Variants in STXBP5 observed in about 807,000 individuals in gnomAD.
STXBP5 encodes the protein syntaxin binding protein 5, also known as syntaxin-binding protein 5.
Under a neutral mutation model 152.4 loss-of-function variants are expected in STXBP5, and 50 were observed. The ratio of observed to expected loss-of-function variants is 0.33; its 90% CI spans 0.26 to 0.42. The LOEUF is 0.42. STXBP5 is among the 10% of genes least tolerant of loss of function. The pLI is 1.00. For synonymous variants in STXBP5, 492 were observed against 494.7 expected (o/e 0.99, Z 0.07); for missense variants, 1,167 against 1,388.6 (o/e 0.84, Z 2.54).
At chr6:147,337,721 A>G (rs1331517529) in intron 19 of STXBP5, among the ~76,000 whole-genome samples, 7 of 152,002 alleles carry the variant, frequency 4.6e-5, no homozygotes, top group Admixed American at 2.6e-4. Flanking sequence ...ATTATTTAGA[A>G]TTAAATTCAG....
intron 25 of STXBP5, among the ~76,000 whole-genome samples, chr6:147,372,955 GT>G (rs1785630419): frequency 6.6e-6 from 1 of 152,148 alleles, no homozygotes; most frequent in Non-Finnish European, 1.5e-5. Flanking sequence ...TTCCTAGCAT[GT>G]GTTTATGAGA....
chr6:147,212,701 C>T lies in STXBP5; in HGVS notation c.248+6633C>T, dbSNP rs966325243. ...CTCCATACCATTGCGGCTCCCTCAG[C>T]TTTGTGTCCATTGACTACATTCATA... On this transcript the variant is annotated intron_variant, in intron 2 of 27. Coordinates refer to ENST00000321680, the MANE Select transcript of STXBP5 (RefSeq NM_001127715.4). Among the ~76,000 whole-genome samples, 8 of 152,278 alleles carry T rather than the reference C, an allele frequency of 5.3e-5. No individual in the cohort carries two copies. In the East Asian group the frequency reaches 9.7e-4, roughly 18 times the overall value.
intron 23 of STXBP5, among the ~76,000 whole-genome samples, chr6:147,360,183 T>A (rs1429877993): frequency 2.6e-5 from 4 of 152,188 alleles, no homozygotes; most frequent in African/African-American, 9.6e-5. Flanking sequence ...ATAGGAACAC[T>A]TTTACACTGT....
chr6:147,210,378 T>C lies in STXBP5; in HGVS notation c.248+4310T>C, dbSNP rs143176927. Among the ~76,000 whole-genome samples the C allele has an allele frequency of 7.9e-4, 121 of 152,314 alleles. 2 individuals are homozygous for C. The East Asian group carries it at 0.022, about 28-fold the overall frequency. The stretch of plus-strand genomic sequence containing the variant: ...ATTTTAGTGTGAGAATTTGATATAC[T>C]TTCACTGTTTTGTTTTGGTTTTTTT... On this transcript the variant is annotated intron_variant, in intron 2 of 27. Transcript: ENST00000321680.
intron 25 of STXBP5, among the ~76,000 whole-genome samples, chr6:147,373,290 C>T (rs1331765347): frequency 6.7e-6 from 1 of 148,300 alleles, no homozygotes; most frequent in African/African-American, 2.5e-5. Context: ...ACTTGAACCC[C>T]AGAGGCAGAA....
chr6:147,384,747 C>T lies in STXBP5; in HGVS notation c.3448C>T (p.Gln1150Ter). The T allele has an allele frequency of 6.2e-7, 1 of 1,611,158 alleles. No individual in the cohort carries two copies. Among genetic ancestry groups the T allele is most frequent in the Non-Finnish European group, 8.5e-7 (1 of 1,178,782 alleles). Reference protein sequence around the residue: ...MLKYKDKKWYQF With the variant: ...MLKYKDKKWY ...GAAATACAAAGATAAGAAGTGGTAC[C>T]AGTTCTGACAACCAGAATCCAATAA... The change falls in exon 28 of 28, where the codon CAG becomes TAG. Residue 1150 changes from glutamine to a stop codon, truncating the protein, a stop_gained. Coordinates refer to ENST00000321680, the MANE Select transcript of STXBP5 (RefSeq NM_001127715.4). LOFTEE classifies it high-confidence loss of function.
chr6:147,374,006 C>T (rs1217371353), intron 26 of STXBP5, among the ~76,000 whole-genome samples, 164 bp downstream of exon 26: 2 of 151,962 alleles, frequency 1.3e-5, no homozygotes, highest in Non-Finnish European at 2.9e-5. Flanking sequence ...TTATTCTATC[C>T]CAAATCAGGG....
chr6:147,291,240 A>G, intron 9 of STXBP5, 68 bp downstream of exon 9: 7 of 1,333,906 alleles, frequency 5.2e-6, no homozygotes, highest in South Asian at 1.4e-5. Context: ...AGGCTATTTT[A>G]TCATTAATTT....
At position 147,204,699 on chromosome 6, in the gene STXBP5, G is replaced by T. The variant is rs1562405439; in HGVS notation, c.150+17G>T. The T allele has an allele frequency of 1.3e-6, 2 of 1,544,710 alleles. No individual in the cohort carries two copies. The highest frequency in any genetic ancestry group is 2.0e-5 in the Admixed American group (1 of 50,154). On this transcript the variant is annotated intron_variant, in intron 1 of 27. Coordinates refer to ENST00000321680, the MANE Select transcript of STXBP5 (RefSeq NM_001127715.4). The surrounding 1 kb of genome is among the most constrained non-coding windows in gnomAD (Gnocchi z 4.3). ...CTCTGCAAGGTGAACGGAGCGCGCA[G>T]CCCCGCGACACCGTCATTGAAAAAT...
intron 4 of STXBP5, among the ~76,000 whole-genome samples, chr6:147,255,017 T>G (rs938530560): frequency 6.6e-6 from 1 of 152,158 alleles, no homozygotes; most frequent in Non-Finnish European, 1.5e-5. Flanking sequence ...CACATGCACA[T>G]GTATGTTTAT....
At chr6:147,328,127 G>A (rs1783365692) in intron 18 of STXBP5, among the ~76,000 whole-genome samples, 1 of 152,080 alleles carries the variant, frequency 6.6e-6, no homozygotes, top group Non-Finnish European at 1.5e-5. Flanking sequence ...AATACCTCAA[G>A]GTACACATGT....
At chr6:147,238,705 AT>A (rs1323976683) in intron 3 of STXBP5, among the ~76,000 whole-genome samples, 1 of 152,168 alleles carries the variant, frequency 6.6e-6, no homozygotes, top group African/African-American at 2.4e-5. Flanking sequence ...TGCTATGTTT[AT>A]TTTCCGTACC....
intron 2 of STXBP5, among the ~76,000 whole-genome samples, chr6:147,227,876 G>T (rs868220936): frequency 2.6e-5 from 4 of 151,436 alleles, no homozygotes; most frequent in Non-Finnish European, 5.9e-5. Context: ...TTCCTTTCTT[G>T]TACAGCTGCT....
chr6:147,383,515 A>G (rs1214072451), intron 27 of STXBP5, among the ~76,000 whole-genome samples: 1 of 152,070 alleles, frequency 6.6e-6, no homozygotes, highest in South Asian at 2.1e-4. Context: ...GCTCAGAAAC[A>G]CACGCTGTAA....
chr6:147,206,179 T>C (rs1776547124), intron 2 of STXBP5, 111 bp downstream of exon 2: 1 of 838,758 alleles, frequency 1.2e-6, no homozygotes, highest in East Asian at 2.6e-5. Flanking sequence ...TGTGATTAGA[T>C]ATATACTATG....
At chr6:147,315,819 A>C in intron 15 of STXBP5, 84 bp downstream of exon 15, 1 of 1,323,516 alleles carries the variant, frequency 7.6e-7, no homozygotes, top group Non-Finnish European at 1.1e-6. Flanking sequence ...GACTTTTTGC[A>C]GTCAGTTTTG....
At chr6:147,355,477 A>G (rs1319969011) in intron 22 of STXBP5, among the ~76,000 whole-genome samples, 1 of 152,168 alleles carries the variant, frequency 6.6e-6, no homozygotes, top group Non-Finnish European at 1.5e-5. Context: ...AGCTAAAAAG[A>G]TCACATATTC....
At chr6:147,368,414 G>A (rs1785394010) in intron 25 of STXBP5, among the ~76,000 whole-genome samples, 1 of 152,094 alleles carries the variant, frequency 6.6e-6, no homozygotes, top group Non-Finnish European at 1.5e-5. Flanking sequence ...AAAAAGAGCA[G>A]TTGACAAAAT....
At chr6:147,346,906 T>G (rs942346461) in intron 21 of STXBP5, among the ~76,000 whole-genome samples, 4 of 152,130 alleles carry the variant, frequency 2.6e-5, no homozygotes, top group African/African-American at 9.7e-5. Flanking sequence ...AAAATGGAGA[T>G]ACATGAGGTG....
Sources: allele counts gnomAD v4.1 joint callset (sites outside exome capture counted in the v4.1 genomes callset), GRCh38; gene constraint gnomAD v4.1.1; non-coding constraint Gnocchi (gnomAD v3.1); transcripts MANE v1.5; gene names NCBI Gene and HGNC (gene_info 2026-07-23, HGNC 2026-07-21).